Variants in GPC5 observed in about 807,000 individuals in gnomAD.
The protein encoded by GPC5 is glypican 5.
GPC5 carries 47 observed loss-of-function variants against 53.9 expected under a neutral mutation model. The ratio of observed to expected loss-of-function variants is 0.87; its 90% CI spans 0.69 to 1.11. The LOEUF (loss-of-function observed/expected upper bound fraction) is 1.11, where lower values mean the gene tolerates loss of function less well. GPC5 is among the 50% of genes most tolerant of loss of function. GPC5 has a pLI of 0.00. For synonymous variants in GPC5, 286 were observed against 263.3 expected, an observed-to-expected ratio of 1.09 and a Z score of -0.84; for missense variants, 748 against 713.1, an observed-to-expected ratio of 1.05 and a Z score of -0.56.
intron 6 of GPC5, among the ~76,000 whole-genome samples, chr13:91,940,410 T>C (rs1380381555): frequency 3.9e-5 from 6 of 152,168 alleles, no homozygotes; most frequent in Non-Finnish European, 7.3e-5. Context: ...GGCATCTAGG[T>C]TGATTTAATG....
chr13:91,634,369 A>G (rs117841224), intron 2 of GPC5, among the ~76,000 whole-genome samples: 1 of 152,162 alleles, frequency 6.6e-6, no homozygotes, highest in East Asian at 1.9e-4. Flanking sequence ...ATGGTTAAAT[A>G]AGCTAAAACT....
At chr13:91,807,609 T>C (rs1342252041) in intron 5 of GPC5, among the ~76,000 whole-genome samples, 1 of 152,204 alleles carries the variant, frequency 6.6e-6, no homozygotes, top group African/African-American at 2.4e-5. Flanking sequence ...TTGTTTTCTA[T>C]TGTAAATTTG....
At chr13:92,618,257 C>T (rs76975652) in intron 7 of GPC5, among the ~76,000 whole-genome samples, 2,812 of 152,124 alleles carry the variant, frequency 0.018, 89 homozygotes, top group African/African-American at 0.064. Context: ...GCCAAACTAA[C>T]GTAGTATTAT....
intron 6 of GPC5, among the ~76,000 whole-genome samples, chr13:92,066,624 G>T (rs73625208): frequency 0.031 from 4,685 of 152,056 alleles, 218 homozygotes; most frequent in African/African-American, 0.11. Flanking sequence ...TGGTAGACGT[G>T]CAAGAGCTTG....
chr13:92,353,217 G>T (rs537919886), intron 7 of GPC5, among the ~76,000 whole-genome samples: 26 of 141,002 alleles, frequency 1.8e-4, no homozygotes, highest in Non-Finnish European at 2.9e-4. Context: ...CCGAGATTGC[G>T]CCACTGCAGT....
intron 2 of GPC5, among the ~76,000 whole-genome samples, chr13:91,450,527 G>A (rs530296653): frequency 1.3e-5 from 2 of 152,206 alleles, no homozygotes; most frequent in South Asian, 4.1e-4. Context: ...TAGGAAACCT[G>A]GAATATTTAG....
intron 7 of GPC5, among the ~76,000 whole-genome samples, chr13:92,612,504 A>G (rs184841756): frequency 3.9e-5 from 6 of 152,258 alleles, no homozygotes; most frequent in Admixed American, 2.0e-4. Context: ...GGAGAGGGCT[A>G]TTTCTGAGAA....
intron 5 of GPC5, among the ~76,000 whole-genome samples, chr13:91,803,406 T>A (rs1219404507): frequency 2.0e-5 from 3 of 152,212 alleles, no homozygotes; most frequent in Non-Finnish European, 2.9e-5. Context: ...ATTATTTTTG[T>A]GAAATTTTCC....
intron 2 of GPC5, among the ~76,000 whole-genome samples, chr13:91,634,796 TA>T (rs1197540532): frequency 2.0e-5 from 3 of 151,738 alleles, no homozygotes; most frequent in South Asian, 2.1e-4. Flanking sequence ...ATTACATTGT[TA>T]AAAAAAAGTG....
chr13:92,586,693 G>A (rs1180512126), intron 7 of GPC5, among the ~76,000 whole-genome samples: 2 of 152,286 alleles, frequency 1.3e-5, no homozygotes, highest in Non-Finnish European at 1.5e-5. Context: ...ATAGATGGTT[G>A]TGAATATGAC....
At chr13:92,373,600 G>A (rs1312762790) in intron 7 of GPC5, among the ~76,000 whole-genome samples, 4 of 152,214 alleles carry the variant, frequency 2.6e-5, no homozygotes, top group Non-Finnish European at 5.9e-5. Flanking sequence ...TTCATATTCT[G>A]TGATTATAAA....
At chr13:91,563,914 G>T (rs2031406995) in intron 2 of GPC5, among the ~76,000 whole-genome samples, 2 of 152,036 alleles carry the variant, frequency 1.3e-5, no homozygotes, top group Non-Finnish European at 2.9e-5. Flanking sequence ...TAGTGTTCCA[G>T]CTGGATTCTC....
At chr13:92,113,247 C>T (rs2041572728) in intron 6 of GPC5, among the ~76,000 whole-genome samples, 1 of 152,022 alleles carries the variant, frequency 6.6e-6, no homozygotes, top group Non-Finnish European at 1.5e-5. Context: ...GACATGAATA[C>T]AATCTTACAG....
At chr13:91,991,274 C>T (rs563254038) in intron 6 of GPC5, among the ~76,000 whole-genome samples, 15 of 152,130 alleles carry the variant, frequency 9.9e-5, no homozygotes, top group Non-Finnish European at 2.1e-4. Flanking sequence ...AAGGACTAAA[C>T]GAAGGAATTT....
intron 2 of GPC5, among the ~76,000 whole-genome samples, chr13:91,685,485 A>G (rs1594427955): frequency 6.6e-6 from 1 of 152,314 alleles, no homozygotes; most frequent in East Asian, 1.9e-4. Context: ...CTTTTGGTCA[A>G]TTGATTATAA....
chr13:92,166,957 CACA>C (rs2042035528), intron 7 of GPC5, among the ~76,000 whole-genome samples: 1 of 63,016 alleles, frequency 1.6e-5, no homozygotes, highest in Non-Finnish European at 3.6e-5. Flanking sequence ...CTCTCTCTCT[CACA>C]CACACACACA....
intron 7 of GPC5, among the ~76,000 whole-genome samples, chr13:92,242,514 G>T (rs1381397969): frequency 6.6e-6 from 1 of 151,432 alleles, no homozygotes; most frequent in African/African-American, 2.4e-5. Flanking sequence ...AATCTCTTCA[G>T]GTTTGAAATA....
At chr13:91,477,341 C>T (rs778852737) in intron 2 of GPC5, among the ~76,000 whole-genome samples, 2 of 151,960 alleles carry the variant, frequency 1.3e-5, no homozygotes, top group South Asian at 2.1e-4. Context: ...ATGTTTTCAG[C>T]GGTATTACTG....
chr13:91,789,822 T>G (rs1276536700), intron 5 of GPC5, among the ~76,000 whole-genome samples: 1 of 152,188 alleles, frequency 6.6e-6, no homozygotes, highest in Non-Finnish European at 1.5e-5. Context: ...GGCTGGGAAG[T>G]TTAAGCTTGG....
Sources: gnomAD v4.1 joint callset for allele counts (sites outside exome capture counted in the v4.1 genomes callset) on GRCh38, gnomAD v4.1.1 for gene constraint, MANE v1.5 for transcripts, NCBI Gene and HGNC (gene_info 2026-07-23, HGNC 2026-07-21) for gene names.